The following FGF14 variants were observed in gnomAD, a reference collection of about 807,000 sequenced individuals.
FGF14 encodes fibroblast growth factor homologous factor 4.
Under a neutral mutation model 25.5 loss-of-function variants are expected in FGF14, and 5 were observed. The observed-to-expected ratio is 0.20, with a 90% confidence interval of 0.10 to 0.41. The LOEUF (loss-of-function observed/expected upper bound fraction) is 0.41. Among genes scored for constraint, FGF14 ranks in the 10% least tolerant of loss-of-function variants. FGF14 has a pLI of 1.00. For synonymous variants in FGF14, 138 were observed against 118.3 expected, an observed-to-expected ratio of 1.17 and a Z score of -1.08; for missense variants, 222 against 320.1, an observed-to-expected ratio of 0.69 and a Z score of 2.34.
intron 1 of FGF14, among the ~76,000 whole-genome samples, chr13:101,982,940 G>T (rs903078817): frequency 2.0e-5 from 3 of 152,162 alleles, no homozygotes; most frequent in African/African-American, 7.2e-5. Flanking sequence ...TACATGAAAA[G>T]CTTGGGTACA....
intron 1 of FGF14, among the ~76,000 whole-genome samples, chr13:102,335,699 C>T (rs536135698): frequency 5.3e-5 from 8 of 152,252 alleles, no homozygotes; most frequent in African/African-American, 9.6e-5. Context: ...ATGCGCTTCA[C>T]GGATGCTGTG....
At chr13:101,856,262 T>C (rs577977524) in intron 3 of FGF14, among the ~76,000 whole-genome samples, 1 of 151,922 alleles carries the variant, frequency 6.6e-6, no homozygotes, top group Non-Finnish European at 1.5e-5. Flanking sequence ...GTTTAAAAGT[T>C]GATTTCTGTT....
chr13:102,108,810 C>T (rs16959729), intron 1 of FGF14, among the ~76,000 whole-genome samples: 10,124 of 152,200 alleles, frequency 0.067, 381 homozygotes, highest in Non-Finnish European at 0.09. Context: ...TAAAGAAAAG[C>T]CCCTCGTTGG....
At position 102,387,764 on chromosome 13, in the gene FGF14, G is replaced by A. The variant is rs144116331; in HGVS notation, c.208+13707C>T. Among the ~76,000 whole-genome samples, 34 of 151,576 alleles carry A rather than the reference G, an allele frequency of 2.2e-4. No homozygotes were observed. In the East Asian group the frequency reaches 6.0e-3, roughly 27 times the overall value. On this transcript the variant is annotated intron_variant, in intron 1 of 4. Transcript: ENST00000376131. ...TTGGGTTTTTTTGAGATGGACTCTC[G>A]CTCTGTCGCCAGGCTGGAGTGCAGT... is the stretch of plus-strand genomic sequence containing the variant.
Position 101,714,621 on chromosome 13 carries a change from C to A in FGF14, c.*8210G>T. 1 of 951,896 alleles carries A rather than the reference C, an allele frequency of 1.1e-6. No individual in the cohort carries two copies. Among genetic ancestry groups the A allele is most frequent in the Non-Finnish European group, 1.7e-6 (1 of 579,358 alleles). 59.0% of individuals were successfully genotyped at this position (951,896 alleles called of 1,614,324 possible). On this transcript the variant is annotated 3_prime_UTR_variant, in exon 5 of 5. Transcript: ENST00000376143. ...ATAGAGCCAAGAGACACTCGTCATG[C>A]AATGCTTTAGGTGGCTGGACCAACA...
intron 1 of FGF14, among the ~76,000 whole-genome samples, chr13:102,358,770 A>C (rs533920733): frequency 6.6e-6 from 1 of 152,312 alleles, no homozygotes; most frequent in East Asian, 1.9e-4. Context: ...TTAAATGCTC[A>C]TCTGAGATTA....
At chr13:101,883,741 A>T (rs1265819427) in intron 1 of FGF14, among the ~76,000 whole-genome samples, 1 of 152,134 alleles carries the variant, frequency 6.6e-6, no homozygotes, top group Admixed American at 6.6e-5. Context: ...TTTTTGAGCT[A>T]GGTAGCATTA....
intron 1 of FGF14, among the ~76,000 whole-genome samples, chr13:101,922,334 T>A (rs1000568784): frequency 6.6e-6 from 1 of 152,184 alleles, no homozygotes; most frequent in African/African-American, 2.4e-5. Flanking sequence ...CTTTGCTTGA[T>A]GTCCTGGGCT....
intron 1 of FGF14, among the ~76,000 whole-genome samples, chr13:102,261,214 G>C (rs764451588): frequency 3.4e-4 from 52 of 152,132 alleles, no homozygotes; most frequent in Admixed American, 3.2e-3. Flanking sequence ...AAAAACAAAG[G>C]AAAAGTTTTG....
In FGF14 at chr13:101,712,081, C is replaced by T. The variant is rs920173071; in HGVS notation, c.*10750G>A. 6.6e-6 allele frequency: 1 copy of T among 152,130 alleles called. No homozygotes were observed. Among genetic ancestry groups the T allele is most frequent in the African/African-American group, 2.4e-5 (1 of 41,424 alleles). 9.4% of individuals were successfully genotyped at this position (152,130 alleles called of 1,614,324 possible). ...ATGTTATGGAAGAAAACAGCTAGAGCGTTCTACAGGAAAAGTGCTATAATA... is the reference window on the plus strand; with the variant it reads ...ATGTTATGGAAGAAAACAGCTAGAGTGTTCTACAGGAAAAGTGCTATAATA... On this transcript the variant is annotated 3_prime_UTR_variant, in exon 5 of 5. Coordinates refer to ENST00000376143, the MANE Select transcript of FGF14 (RefSeq NM_004115.4).
At position 102,197,273 on chromosome 13, in the gene FGF14, C is replaced by T. The variant is rs116033494; in HGVS notation, c.208+204198G>A. On this transcript the variant is annotated intron_variant, in intron 1 of 4. Transcript: ENST00000376131. ...AGTCAAAGTATGAGGTAGTGCATTT[C>T]AGAATCATGAGTAGGAAACAATTTC... Among the ~76,000 whole-genome samples, 15 of 152,262 alleles carry T rather than the reference C, an allele frequency of 9.9e-5. 1 individual carries two copies. Among genetic ancestry groups the T allele is most frequent in the African/African-American group, 3.6e-4 (15 of 41,556 alleles).
chr13:102,347,735 C>T (rs1394624147), intron 1 of FGF14, among the ~76,000 whole-genome samples: 2 of 152,074 alleles, frequency 1.3e-5, no homozygotes, highest in East Asian at 1.9e-4. Flanking sequence ...GCCACTGAAG[C>T]GGAATCAGGC....
chr13:101,816,209 G>A (rs1384085022), intron 3 of FGF14, among the ~76,000 whole-genome samples: 1 of 148,322 alleles, frequency 6.7e-6, no homozygotes, highest in African/African-American at 2.5e-5. Flanking sequence ...GGCGGAGCTT[G>A]CAGTGAGCCG....
chr13:101,758,731 T>C (rs1415049044), intron 3 of FGF14, among the ~76,000 whole-genome samples: 2 of 152,188 alleles, frequency 1.3e-5, no homozygotes, highest in Non-Finnish European at 2.9e-5. Flanking sequence ...TGTAACATCC[T>C]ACAGGAACAT....
chr13:101,768,845 A>C (rs1416299532), intron 3 of FGF14, among the ~76,000 whole-genome samples: 1 of 152,176 alleles, frequency 6.6e-6, no homozygotes, highest in Non-Finnish European at 1.5e-5. Context: ...TAAATGTAAA[A>C]TGCAAAATTA....
chr13:101,956,961 C>A (rs2036553918), intron 1 of FGF14, among the ~76,000 whole-genome samples: 1 of 151,484 alleles, frequency 6.6e-6, no homozygotes, highest in South Asian at 2.1e-4. Flanking sequence ...CTCTTACTAC[C>A]ATGACACATT....
intron 1 of FGF14, among the ~76,000 whole-genome samples, chr13:102,274,604 A>T (rs1159084748): frequency 4.6e-5 from 7 of 152,128 alleles, no homozygotes; most frequent in African/African-American, 1.4e-4. Context: ...GTTCTGATTA[A>T]CACTCATATA....
intron 3 of FGF14, among the ~76,000 whole-genome samples, chr13:101,757,035 C>T (rs1288200799): frequency 2.0e-5 from 3 of 151,930 alleles, no homozygotes; most frequent in East Asian, 1.9e-4. Flanking sequence ...GATATCAAAC[C>T]GAGAGATTTT....
At chr13:101,810,117 A>G (rs2041416670) in intron 3 of FGF14, among the ~76,000 whole-genome samples, 1 of 152,198 alleles carries the variant, frequency 6.6e-6, no homozygotes, top group Admixed American at 6.5e-5. Flanking sequence ...CCAAATGTAC[A>G]TATTAGAATT....
Sources: gnomAD v4.1 joint callset for allele counts (sites outside exome capture counted in the v4.1 genomes callset) on GRCh38, gnomAD v4.1.1 for gene constraint, MANE v1.5 for transcripts, NCBI Gene and HGNC (gene_info 2026-07-23, HGNC 2026-07-21) for gene names.